OTOG: variants seen among roughly 807,000 people sequenced by gnomAD.
OTOG encodes otogelin.
Under a neutral mutation model 313.8 loss-of-function variants are expected in OTOG, and 296 were observed. The ratio of observed to expected loss-of-function variants is 0.94; its 90% CI spans 0.86 to 1.04. The LOEUF (loss-of-function observed/expected upper bound fraction) is 1.04. Ranked by LOEUF, OTOG falls within the 50% of genes least tolerant of loss-of-function variation. OTOG has a pLI of 0.00. For synonymous variants in OTOG, 1,533 were observed against 1,554.9 expected, an observed-to-expected ratio of 0.99 and a Z score of 0.33; for missense variants, 3,948 against 3,840.1, an observed-to-expected ratio of 1.03 and a Z score of -0.74.
intron 15 of OTOG, among the ~76,000 whole-genome samples, chr11:17,562,578 A>AC: frequency 6.6e-6 from 1 of 152,260 alleles, no homozygotes; most frequent in Non-Finnish European, 1.5e-5. Flanking sequence ...TACAAAAAAA[A>AC]AATTCCAAAC....
intron 36 of OTOG, among the ~76,000 whole-genome samples, chr11:17,611,814 C>CTG (rs3073108): frequency 0.017 from 2,565 of 150,856 alleles, 37 homozygotes; most frequent in Middle Eastern, 0.042. Flanking sequence ...TTGTGAGAAA[C>CTG]TGTGTGTGTG....
At chr11:17,629,366 C>G (rs922047303) in intron 40 of OTOG, 50 bp downstream of exon 40, 1 of 1,495,084 alleles carries the variant, frequency 6.7e-7, no homozygotes, top group African/African-American at 1.4e-5. Flanking sequence ...AGGTCCACCT[C>G]TGCCCCCACA....
At chr11:17,563,899 T>G (rs539803390) in intron 15 of OTOG, among the ~76,000 whole-genome samples, 2 of 145,336 alleles carry the variant, frequency 1.4e-5, no homozygotes. Flanking sequence ...GGCTTCATCA[T>G]GTGGCCCAGA....
chr11:17,645,564 G>A lies in OTOG; in HGVS notation c.8462G>A (p.Cys2821Tyr). The change falls in exon 55 of 56, where the codon TGT becomes TAT. Residue 2821 changes from cysteine to tyrosine, a missense_variant and splice_region_variant. Coordinates refer to ENST00000399397, the MANE Select transcript of OTOG (RefSeq NM_001292063.2). ...CTGCCTCATCCCCCTGTCCCCCCAG[G>A]TAAGGAGGATGGGCGCTCCTGCAAG... ...VPSLEGCCRT[C>Y]KEDGRSCKKV... The A allele has an allele frequency of 6.4e-7, 1 of 1,550,518 alleles. No homozygotes were observed. Among genetic ancestry groups the A allele is most frequent in the Non-Finnish European group, 8.7e-7 (1 of 1,146,980 alleles).
At chr11:17,557,424 G>T in intron 8 of OTOG, 101 bp downstream of exon 8, 1 of 1,185,654 alleles carries the variant, frequency 8.4e-7, no homozygotes. Flanking sequence ...CCCTGGGGTC[G>T]TGGTCATGGT....
intron 54 of OTOG, among the ~76,000 whole-genome samples, chr11:17,644,377 C>T (rs966623771): frequency 6.6e-6 from 1 of 152,256 alleles, no homozygotes. Context: ...CAGTAGGAAA[C>T]CTCTGTGGTG....
rs532742947 is a variant in OTOG, at chr11:17,631,758, G to C, written c.6769G>C (p.Gly2257Arg). The C allele has an allele frequency of 6.4e-7, 1 of 1,550,612 alleles. No homozygotes were observed. Among genetic ancestry groups the C allele is most frequent in the African/African-American group, 1.4e-5 (1 of 73,170 alleles). Residue 2257 changes from glycine (G) to arginine (R), a missense_variant, in exon 41 of 56, where the codon GGT becomes CGT. Coordinates refer to ENST00000399397, the MANE Select transcript of OTOG (RefSeq NM_001292063.2). ...DLTLKDGSVV[G>R]GAEDPAPFLD... is the part of the protein sequence containing the mutation. ...TACCCTGAAGGATGGCTCAGTGGTG[G>C]GTGGGGCTGAGGACCCTGCTCCCTT...
chr11:17,580,428 C>A (rs1164894916), intron 23 of OTOG, among the ~76,000 whole-genome samples: 2 of 152,216 alleles, frequency 1.3e-5, no homozygotes, highest in African/African-American at 4.8e-5. Flanking sequence ...AATAACCTCC[C>A]TGAGGGGTCC....
At chr11:17,620,140 C>T (rs1048799781) in intron 39 of OTOG, among the ~76,000 whole-genome samples, 1 of 152,090 alleles carries the variant, frequency 6.6e-6, no homozygotes, top group African/African-American at 2.4e-5. Flanking sequence ...AATTCAATGG[C>T]ATTTAGTACA....
rs1853127349 is a variant in OTOG, at chr11:17,597,017, C to T, written c.3682+10C>T. Reference sequence around the variant, plus strand: ...ACCCCCCGCCTCTGCCGTGAGTGTCCCAGACAATCACCTGAGGGGACAGAG... The same window carrying T: ...ACCCCCCGCCTCTGCCGTGAGTGTCTCAGACAATCACCTGAGGGGACAGAG... On this transcript the variant is annotated intron_variant, in intron 30 of 55. Transcript: ENST00000399397. 2 of 1,549,302 alleles carry T rather than the reference C, an allele frequency of 1.3e-6. No homozygotes were observed. The highest frequency in any genetic ancestry group is 2.7e-5 in the African/African-American group (2 of 73,022).
chr11:17,558,110 C>G (rs959754760), intron 8 of OTOG, 75 bp from the exon 9 acceptor site: 26 of 1,510,656 alleles, frequency 1.7e-5, no homozygotes, highest in South Asian at 1.6e-4. Context: ...GATCCGCTTT[C>G]CCTCAGAGCC....
At chr11:17,604,370 A>G (rs982462137) in intron 32 of OTOG, among the ~76,000 whole-genome samples, 6 of 152,148 alleles carry the variant, frequency 3.9e-5, no homozygotes, top group African/African-American at 1.4e-4. Context: ...GACTTGCCTG[A>G]GGTCACGCAT....
chr11:17,600,085 C>G lies in OTOG; in HGVS notation c.3709+388C>G, dbSNP rs74732315. 2.7e-3 allele frequency among the ~76,000 whole-genome samples: 408 copies of G among 152,380 alleles called. 2 individuals carry two copies. The highest frequency in any genetic ancestry group is 9.2e-3 in the African/African-American group (384 of 41,592). Reference sequence around the variant, plus strand: ...AAGATTAGCTTTTGGCAAAAGCAGACACAAACTGCCCTTTCTGACTATGGG... The same window carrying G: ...AAGATTAGCTTTTGGCAAAAGCAGAGACAAACTGCCCTTTCTGACTATGGG... On this transcript the variant is annotated intron_variant, in intron 31 of 55. Transcript: ENST00000399397.
At chr11:17,550,455 T>G (rs1010490542) in intron 3 of OTOG, among the ~76,000 whole-genome samples, 2 of 152,164 alleles carry the variant, frequency 1.3e-5, no homozygotes, top group Non-Finnish European at 2.9e-5. Context: ...ATCTAAGGGG[T>G]TCGTGGCATA....
At chr11:17,642,334 G>A in intron 53 of OTOG, 88 bp downstream of exon 53, 3 of 1,428,350 alleles carry the variant, frequency 2.1e-6, no homozygotes, top group Non-Finnish European at 2.8e-6. Flanking sequence ...GTGCAGGAGT[G>A]CAGGAAGAAG....
At position 17,561,713 on chromosome 11, in the gene OTOG, G is replaced by A. The variant is rs1226610898; in HGVS notation, c.1550G>A (p.Arg517Gln). Residue 517 changes from arginine (R) to glutamine (Q), a missense_variant, in exon 15 of 56, where the codon CGG becomes CAG. Transcript: ENST00000399397. ...CACTTCACAACCTTTGATGGCCGCCGGTACACGTTCCCCGCCACATGTCAG... is the reference window on the plus strand; with the variant it reads ...CACTTCACAACCTTTGATGGCCGCCAGTACACGTTCCCCGCCACATGTCAG... ...DIHFTTFDGRRYTFPATCQYI... is the reference protein window; with the variant it reads ...DIHFTTFDGRQYTFPATCQYI... The A allele has an allele frequency of 7.1e-6, 11 of 1,550,434 alleles. No homozygotes were observed. In the East Asian group the frequency reaches 9.8e-5, roughly 14 times the overall value.
At position 17,612,760 on chromosome 11, in the gene OTOG, A is replaced by C; in HGVS notation, c.6433A>C (p.Asn2145His). Reference sequence around the variant, plus strand: ...CCATGTACTGGACTGCAAAAGTGCCAACCTGGTGCCTGCCCCATACCTCCC... The same window carrying C: ...CCATGTACTGGACTGCAAAAGTGCCCACCTGGTGCCTGCCCCATACCTCCC... The part of the protein sequence containing the change: ...TVHVLDCKSA[N>H]LGHLNWPPFC... The change falls in exon 38 of 56, where the codon AAC becomes CAC. Residue 2145 changes from asparagine to histidine, a missense_variant. Transcript: ENST00000399397. 6.5e-7 allele frequency: 1 copy of C among 1,550,370 alleles called. No homozygotes were observed. The highest frequency in any genetic ancestry group is 1.2e-5 in the South Asian group (1 of 84,034).
intron 44 of OTOG, 127 bp downstream of exon 44, chr11:17,634,408 T>C: frequency 1.9e-6 from 2 of 1,069,282 alleles, no homozygotes; most frequent in Non-Finnish European, 2.7e-6. Context: ...GGGGGTGAGC[T>C]TGGAGGAGGG....
chr11:17,602,238 C>T lies in OTOG; in HGVS notation c.3738C>T (p.Ser1246=). 6.4e-7 allele frequency: 1 copy of T among 1,550,538 alleles called. No individual in the cohort carries two copies. The highest frequency in any genetic ancestry group is 8.7e-7 in the Non-Finnish European group (1 of 1,146,956). The change falls in exon 32 of 56, where the codon TCC becomes TCT. Residue 1246 remains serine, a synonymous_variant. Transcript: ENST00000399397. ...KVLGKGPYQL[S]SLAAGGALVG... is the part of the protein sequence containing the mutation. ...TAGGTAAGGGCCCCTATCAGCTATC[C>T]AGCTTGGCAGCCGGTGGTGCTCTGG... is the stretch of plus-strand genomic sequence containing the variant.
Sources: allele counts gnomAD v4.1 joint callset (sites outside exome capture counted in the v4.1 genomes callset), GRCh38; gene constraint gnomAD v4.1.1; transcripts MANE v1.5; gene names NCBI Gene and HGNC (gene_info 2026-07-23, HGNC 2026-07-21).